CRACD: variants seen among roughly 807,000 people sequenced by gnomAD.
The protein encoded by CRACD is capping protein-inhibiting regulator of actin dynamics.
Under a neutral mutation model 106.8 loss-of-function variants are expected in CRACD, and 56 were observed. The observed-to-expected ratio is 0.52, with a 90% CI of 0.42 to 0.66. CRACD has a LOEUF of 0.66. CRACD is among the 30% of genes least tolerant of loss of function. The pLI is 0.00. For missense variants in CRACD, 1,730 were observed against 1,623.2 expected, an observed-to-expected ratio of 1.07 and a Z score of -1.13; for synonymous variants, 754 against 670.8, an observed-to-expected ratio of 1.12 and a Z score of -1.92.
intron 8 of CRACD, chr4:56,320,577 G>A (rs970521906): frequency 1.3e-5 from 2 of 152,134 alleles, no homozygotes; most frequent in African/African-American, 2.4e-5. Flanking sequence ...ACACGGATAG[G>A]TAGGTAGTCT....
At chr4:56,172,751 G>C (rs1736425848) in intron 1 of CRACD, among the ~76,000 whole-genome samples, 1 of 152,140 alleles carries the variant, frequency 6.6e-6, no homozygotes, top group Non-Finnish European at 1.5e-5. Context: ...AGCCTCCTGA[G>C]CAGCTGGGAC....
At chr4:56,303,316 A>G (rs925621766) in intron 4 of CRACD, among the ~76,000 whole-genome samples, 4 of 151,968 alleles carry the variant, frequency 2.6e-5, no homozygotes, top group African/African-American at 9.7e-5. Context: ...TTGGCACTCC[A>G]GACTCGGTGA....
At chr4:56,297,744 C>G (rs1196570251) in intron 3 of CRACD, 3 of 153,248 alleles carry the variant, frequency 2.0e-5, no homozygotes, top group African/African-American at 7.2e-5. Flanking sequence ...CAACAATTCT[C>G]TAGTCCTCTT....
At chr4:56,130,045 G>A (rs1734776616) in intron 1 of CRACD, among the ~76,000 whole-genome samples, 1 of 152,254 alleles carries the variant, frequency 6.6e-6, no homozygotes, top group African/African-American at 2.4e-5. Context: ...AGGCTGAAGC[G>A]GACAGACCAC....
rs756646968 is a variant in CRACD, at chr4:56,310,700, A to C, written c.320A>C (p.Asn107Thr). 5 of 1,611,504 alleles carry C rather than the reference A, an allele frequency of 3.1e-6. No individual in the cohort carries two copies. The highest frequency in any genetic ancestry group is 1.7e-5 in the Admixed American group (1 of 59,984). ...ACGCCAAGTTCTCTAAGTCCTCTGA[A>C]TCTCCCTGGAGCTGGAAGTGAGATG... ...SDTPSSLSPL[N>T]LPGAGSEMEE... Residue 107 changes from asparagine to threonine, a missense_variant, in exon 6 of 11, where the codon AAT becomes ACT. Transcript: ENST00000682029.
intron 2 of CRACD, among the ~76,000 whole-genome samples, chr4:56,231,001 A>G (rs1011752035): frequency 4.9e-4 from 75 of 152,200 alleles, no homozygotes; most frequent in African/African-American, 1.8e-3. Flanking sequence ...CACCATATAT[A>G]TGTGGAATTT....
chr4:56,130,754 T>C (rs561946035), intron 1 of CRACD, among the ~76,000 whole-genome samples: 1 of 152,328 alleles, frequency 6.6e-6, no homozygotes, highest in Non-Finnish European at 1.5e-5. Flanking sequence ...AAATTGGCTT[T>C]CTGCCAACCT....
intron 1 of CRACD, among the ~76,000 whole-genome samples, chr4:56,073,605 C>T (rs1301759300): frequency 6.6e-6 from 1 of 152,000 alleles, no homozygotes; most frequent in East Asian, 1.9e-4. Context: ...GCGTATTAGC[C>T]TTTTGTCAGA....
chr4:56,292,541 T>G (rs1195811385), intron 3 of CRACD, among the ~76,000 whole-genome samples: 6 of 152,110 alleles, frequency 3.9e-5, no homozygotes, highest in African/African-American at 1.2e-4. Flanking sequence ...TTTTTTTTTT[T>G]TGAGACAGAG....
intron 1 of CRACD, among the ~76,000 whole-genome samples, chr4:56,075,592 C>G (rs575693336): frequency 6.6e-6 from 1 of 152,018 alleles, no homozygotes; most frequent in Non-Finnish European, 1.5e-5. Context: ...AAAAAGAAAC[C>G]ATTAGCAATC....
At chr4:56,220,345 G>A (rs1320090430) in intron 2 of CRACD, among the ~76,000 whole-genome samples, 1 of 152,190 alleles carries the variant, frequency 6.6e-6, no homozygotes, top group Non-Finnish European at 1.5e-5. Context: ...ACCAACTGTT[G>A]CCTCTCCCTA....
intron 2 of CRACD, chr4:56,246,643 G>T (rs1251238633): frequency 6.6e-6 from 1 of 152,238 alleles, no homozygotes; most frequent in Non-Finnish European, 1.5e-5. Context: ...GTTTCTGAGG[G>T]GGGATAATTT....
At chr4:56,053,043 T>C (rs1022516195) in intron 1 of CRACD, among the ~76,000 whole-genome samples, 4 of 152,216 alleles carry the variant, frequency 2.6e-5, no homozygotes, top group African/African-American at 9.6e-5. Flanking sequence ...CTTCTCAGGT[T>C]TTTGTGATAG....
intron 1 of CRACD, among the ~76,000 whole-genome samples, chr4:56,164,370 G>A (rs1162720273): frequency 7.9e-5 from 12 of 151,010 alleles, no homozygotes; most frequent in Non-Finnish European, 1.2e-4. Flanking sequence ...TCCTGACCTC[G>A]TGATCCACCT....
intron 2 of CRACD, among the ~76,000 whole-genome samples, chr4:56,203,281 C>T (rs1268778092): frequency 2.0e-5 from 3 of 152,294 alleles, no homozygotes; most frequent in African/African-American, 7.2e-5. Context: ...ATGGAAGGGA[C>T]CAGCACCGAC....
intron 2 of CRACD, among the ~76,000 whole-genome samples, chr4:56,227,224 G>A (rs181637599): frequency 1.8e-3 from 271 of 152,240 alleles, no homozygotes; most frequent in African/African-American, 6.0e-3. Context: ...AGTTGTTGCT[G>A]TAAATACTGT....
chr4:56,222,826 A>T (rs1351472347), intron 2 of CRACD, among the ~76,000 whole-genome samples: 1 of 151,898 alleles, frequency 6.6e-6, no homozygotes, highest in African/African-American at 2.4e-5. Context: ...CGCAAAAATT[A>T]GCTGGGCATG....
chr4:56,197,893 G>T (rs192044116), intron 2 of CRACD, among the ~76,000 whole-genome samples: 1 of 152,030 alleles, frequency 6.6e-6, no homozygotes, highest in Non-Finnish European at 1.5e-5. Context: ...TAGCCAGGAT[G>T]GTCTCGATCT....
intron 8 of CRACD, among the ~76,000 whole-genome samples, chr4:56,321,740 A>G (rs1385910570): frequency 1.3e-5 from 2 of 152,252 alleles, no homozygotes; most frequent in Non-Finnish European, 2.9e-5. Context: ...TTGTTTTAAA[A>G]TACTTCTAAG....
Sources: allele counts gnomAD v4.1 joint callset (sites outside exome capture counted in the v4.1 genomes callset), GRCh38; gene constraint gnomAD v4.1.1; transcripts MANE v1.5; gene names NCBI Gene and HGNC (gene_info 2026-07-23, HGNC 2026-07-21).